The following HCRTR2 variants were observed in gnomAD, a reference collection of about 807,000 sequenced individuals.
The protein encoded by HCRTR2 is hypocretin receptor 2, also known as orexin receptor type 2.
HCRTR2 carries 22 observed loss-of-function variants against 49.0 expected under a neutral mutation model. That is an observed-to-expected ratio of 0.45 (90% confidence interval 0.32 to 0.64). The LOEUF (loss-of-function observed/expected upper bound fraction) is 0.64. Ranked by LOEUF, HCRTR2 falls within the 30% of genes least tolerant of loss-of-function variation. The pLI is 0.04. For missense variants in HCRTR2, 491 were observed against 559.4 expected (o/e 0.88, Z 1.23); for synonymous variants, 236 against 205.3 (o/e 1.15, Z -1.28).
At position 55,282,578 on chromosome 6, in the gene HCRTR2, T is replaced by C. The variant is rs1767215001; in HGVS notation, c.*124T>C. ...ACTTGTGGATCTTTTTTTTTTTTAA[T>C]CTATTGCTCTTTGGAAATAAAAAAA... On this transcript the variant is annotated 3_prime_UTR_variant, in exon 7 of 7. Transcript: ENST00000370862. The C allele has an allele frequency of 1.5e-6, 1 of 646,060 alleles. No individual in the cohort carries two copies. Among genetic ancestry groups the C allele is most frequent in the South Asian group, 1.8e-5 (1 of 55,776 alleles). 40.0% of individuals were successfully genotyped at this position (646,060 alleles called of 1,614,324 possible).
chr6:55,203,066 T>G (rs757732624), intron 1 of HCRTR2, among the ~76,000 whole-genome samples: 2 of 152,148 alleles, frequency 1.3e-5, no homozygotes, highest in African/African-American at 2.4e-5. Flanking sequence ...GTTCTTCCAG[T>G]TTTACCGTTA....
intron 1 of HCRTR2, among the ~76,000 whole-genome samples, chr6:55,226,587 G>T (rs140519756): frequency 2.6e-5 from 4 of 152,216 alleles, no homozygotes; most frequent in South Asian, 4.1e-4. Context: ...GGGATTACAG[G>T]TGTGAGCCAC....
intron 1 of HCRTR2, among the ~76,000 whole-genome samples, chr6:55,219,747 A>G (rs1036493907): frequency 1.3e-5 from 2 of 151,864 alleles, no homozygotes; most frequent in African/African-American, 4.8e-5. Context: ...TTACTATAAT[A>G]ATTAATGAAA....
At chr6:55,268,367 A>G (rs1315712777) in intron 4 of HCRTR2, among the ~76,000 whole-genome samples, 1 of 152,090 alleles carries the variant, frequency 6.6e-6, no homozygotes, top group Admixed American at 6.5e-5. Context: ...ATTAGATTAA[A>G]TGTAAATGGA....
At chr6:55,246,845 A>T in intron 1 of HCRTR2, among the ~76,000 whole-genome samples, 1 of 152,126 alleles carries the variant, frequency 6.6e-6, no homozygotes, top group East Asian at 1.9e-4. Flanking sequence ...CACAGCACAT[A>T]GTAATGACTA....
At chr6:55,145,400 T>TG (rs1554167933) in intron 1 of HCRTR2, among the ~76,000 whole-genome samples, 1 of 124,322 alleles carries the variant, frequency 8.0e-6, no homozygotes, top group Admixed American at 9.4e-5. Flanking sequence ...TTTGTTTTTT[T>TG]TTTTGTTTTT....
At position 55,153,180 on chromosome 6, in the gene HCRTR2, T is replaced by C. The variant is rs1764685688; in HGVS notation, c.-377-21031T>C. On this transcript the variant is annotated intron_variant, in intron 1 of 7. Transcript: ENST00000615358. ...ACAGTTGTCTGTAAATTCATGGGTTTATGTCTAGGCTCTCTGTTCTGTTCT... is the reference window on the plus strand; with the variant it reads ...ACAGTTGTCTGTAAATTCATGGGTTCATGTCTAGGCTCTCTGTTCTGTTCT... Among the ~76,000 whole-genome samples, 4 of 152,042 alleles carry C rather than the reference T, an allele frequency of 2.6e-5. No homozygotes were observed. The South Asian group carries it at 8.3e-4, about 31-fold the overall frequency.
At chr6:55,232,063 T>A (rs1479303964) in intron 1 of HCRTR2, among the ~76,000 whole-genome samples, 1 of 152,142 alleles carries the variant, frequency 6.6e-6, no homozygotes, top group Non-Finnish European at 1.5e-5. Context: ...AATAATTTCC[T>A]TTTTTTAATT....
intron 1 of HCRTR2, among the ~76,000 whole-genome samples, chr6:55,196,853 G>A (rs1204444697): frequency 3.9e-5 from 6 of 152,170 alleles, no homozygotes; most frequent in Admixed American, 6.5e-5. Context: ...GAGTGAGGAT[G>A]ATGTATGCAC....
chr6:55,169,779 T>C (rs1764922985), upstream of HCRTR2, among the ~76,000 whole-genome samples: 1 of 152,112 alleles, frequency 6.6e-6, no homozygotes, highest in Non-Finnish European at 1.5e-5. Flanking sequence ...ACTCTGCATC[T>C]CTCTACCTTC....
At chr6:55,195,267 A>T (rs192825762) in intron 1 of HCRTR2, among the ~76,000 whole-genome samples, 1 of 152,298 alleles carries the variant, frequency 6.6e-6, no homozygotes, top group East Asian at 1.9e-4. Flanking sequence ...TAATAAACTG[A>T]AAGAAGAAAA....
chr6:55,188,900 C>T (rs1054917919), intron 1 of HCRTR2, among the ~76,000 whole-genome samples: 5 of 152,134 alleles, frequency 3.3e-5, no homozygotes, highest in African/African-American at 9.7e-5. Context: ...CATGTGAATA[C>T]GATTTTGAAA....
chr6:55,262,595 TTAA>T (rs1766786360), intron 3 of HCRTR2, among the ~76,000 whole-genome samples: 1 of 135,606 alleles, frequency 7.4e-6, no homozygotes, highest in African/African-American at 2.7e-5. Context: ...ATGTACTATA[TTAA>T]TATATGAATA....
intron 4 of HCRTR2, among the ~76,000 whole-genome samples, chr6:55,265,530 C>A (rs1581866232): frequency 6.6e-6 from 1 of 152,058 alleles, no homozygotes; most frequent in Non-Finnish European, 1.5e-5. Flanking sequence ...AGTATATTTT[C>A]TTTTAATGTC....
intron 1 of HCRTR2, among the ~76,000 whole-genome samples, chr6:55,183,347 G>A (rs189753716): frequency 6.6e-6 from 1 of 152,256 alleles, no homozygotes; most frequent in African/African-American, 2.4e-5. Flanking sequence ...CTAAGCAGAG[G>A]AAACAACATA....
intron 1 of HCRTR2, among the ~76,000 whole-genome samples, chr6:55,248,151 G>A (rs1185690252): frequency 6.6e-6 from 1 of 152,108 alleles, no homozygotes; most frequent in Non-Finnish European, 1.5e-5. Context: ...AATGGTAGGA[G>A]CTGAATAATT....
At chr6:55,268,444 A>C (rs969294599) in intron 4 of HCRTR2, among the ~76,000 whole-genome samples, 7 of 152,158 alleles carry the variant, frequency 4.6e-5, no homozygotes, top group Non-Finnish European at 7.4e-5. Context: ...ATTTAAAAAA[A>C]CCCATGATCC....
At position 55,252,656 on chromosome 6, in the gene HCRTR2, G is replaced by T. The variant is rs560844270; in HGVS notation, c.403-2480G>T. 5.7e-4 allele frequency among the ~76,000 whole-genome samples: 87 copies of T among 152,154 alleles called. 1 individual carries two copies. In the South Asian group the frequency reaches 0.016, roughly 29 times the overall value. On this transcript the variant is annotated intron_variant, in intron 2 of 6. Coordinates refer to ENST00000370862, the MANE Select transcript of HCRTR2 (RefSeq NM_001384272.1). ...TGAAGGTACCCTCAGGTAGCACTAA[G>T]AAATTTCTAGGAGTCACTAATCAAC...
intron 1 of HCRTR2, among the ~76,000 whole-genome samples, chr6:55,166,134 T>A (rs1764875102): frequency 6.6e-6 from 1 of 152,136 alleles, no homozygotes; most frequent in Admixed American, 6.6e-5. Context: ...CATTTATTGA[T>A]TTGCATTTAT....
Sources: gnomAD v4.1 joint callset for allele counts (sites outside exome capture counted in the v4.1 genomes callset) on GRCh38, gnomAD v4.1.1 for gene constraint, MANE v1.5 for transcripts, NCBI Gene and HGNC (gene_info 2026-07-23, HGNC 2026-07-21) for gene names.